ARHGAP28: variants seen among roughly 807,000 people sequenced by gnomAD.
ARHGAP28 encodes the protein rho GTPase-activating protein 28.
In ARHGAP28, 56 loss-of-function variants were observed where a neutral mutation model predicts 90.7. The ratio of observed to expected loss-of-function variants is 0.62; its 90% confidence interval spans 0.50 to 0.77. ARHGAP28 has a LOEUF of 0.77. Ranked by LOEUF, ARHGAP28 falls within the 30% of genes least tolerant of loss-of-function variation. The pLI is 0.00. For synonymous variants in ARHGAP28, 308 were observed against 323.3 expected (o/e 0.95, Z 0.51); for missense variants, 869 against 900.9 (o/e 0.96, Z 0.45).
Position 6,882,196 on chromosome 18 carries a change from G to T in ARHGAP28, c.1350G>T (p.Met450Ile). 1 of 1,614,062 alleles carries T rather than the reference G, an allele frequency of 6.2e-7. No homozygotes were observed. Reference protein sequence around the residue: ...FNADKFKWDKMCHREAAVMLK... With the variant: ...FNADKFKWDKICHREAAVMLK... Reference sequence around the variant, plus strand: ...CTGATAAATTTAAATGGGACAAAATGTGCCATAGAGAAGCTGCAGTAATGT... The same window carrying T: ...CTGATAAATTTAAATGGGACAAAATTTGCCATAGAGAAGCTGCAGTAATGT... The change falls in exon 11 of 18, where the codon ATG (methionine) becomes ATT (isoleucine). Residue 450 changes from methionine (M) to isoleucine (I), a missense_variant. Transcript: ENST00000383472.
At chr18:6,823,633 A>G (rs2056641073) in intron 1 of ARHGAP28, among the ~76,000 whole-genome samples, 1 of 145,116 alleles carries the variant, frequency 6.9e-6, no homozygotes, top group African/African-American at 2.6e-5. Context: ...CTTTAAGAAC[A>G]TTTTATTTAG....
intron 16 of ARHGAP28, among the ~76,000 whole-genome samples, chr18:6,906,188 G>A (rs1370096841): frequency 6.6e-6 from 1 of 152,098 alleles, no homozygotes; most frequent in Admixed American, 6.5e-5. Flanking sequence ...TTGGTGGAAG[G>A]ATAGATACTT....
chr18:6,893,399 C>T lies in ARHGAP28; in HGVS notation c.1849-1436C>T, dbSNP rs191769761. ...CACACAGCTCTTCCTCTTACTTAAG[C>T]ACTCCCCTAGTTGAAGCCTTTGGAT... On this transcript the variant is annotated intron_variant, in intron 14 of 17. Coordinates refer to ENST00000383472, the MANE Select transcript of ARHGAP28 (RefSeq NM_001366230.1). Among the ~76,000 whole-genome samples the T allele has an allele frequency of 4.4e-4, 67 of 152,318 alleles. 1 individual carries two copies. The highest frequency in any genetic ancestry group is 2.4e-3 in the Admixed American group (37 of 15,298).
rs1256801958 is a variant in ARHGAP28 at position 6,890,068 on chromosome 18, C to T, written c.1717C>T (p.Gln573Ter). The change falls in exon 13 of 18, where the codon CAG becomes TAG. Residue 573 changes from glutamine (Q) to a stop codon, truncating the protein, a stop_gained. Coordinates refer to ENST00000383472, the MANE Select transcript of ARHGAP28 (RefSeq NM_001366230.1). LOFTEE classifies it high-confidence loss of function. ...AHIIRLMLKY[Q>*]KILWKVPSFL... ...CATCATCCGCCTAATGCTTAAGTAC[C>T]AGAAGATTTTGTGGAAGGTGAGTGA... 1.2e-6 allele frequency: 2 copies of T among 1,613,988 alleles called. No individual in the cohort carries two copies. Among genetic ancestry groups the T allele is most frequent in the African/African-American group, 2.7e-5 (2 of 74,898 alleles).
chr18:6,869,697 C>T (rs571210845), intron 6 of ARHGAP28, among the ~76,000 whole-genome samples: 4 of 152,308 alleles, frequency 2.6e-5, no homozygotes, highest in African/African-American at 9.6e-5. Flanking sequence ...ACTAAGTTTT[C>T]TTTAATTCTG....
In ARHGAP28 at chr18:6,752,207, A is replaced by T. The variant is rs144895365; in HGVS notation, c.122+22264A>T. 5.5e-4 allele frequency among the ~76,000 whole-genome samples: 84 copies of T among 152,312 alleles called. 1 individual carries two copies. The highest frequency in any genetic ancestry group is 1.9e-3 in the African/African-American group (79 of 41,574). On this transcript the variant is annotated intron_variant, in intron 1 of 17. Transcript: ENST00000383472. ...CCCTTGGTAGACTAATAAGGTTTCT[A>T]CTGAGCCGTGTTTTTTATTAATCCT...
intron 10 of ARHGAP28, among the ~76,000 whole-genome samples, chr18:6,878,948 C>A (rs2057155438): frequency 1.3e-5 from 2 of 152,160 alleles, no homozygotes; most frequent in Non-Finnish European, 2.9e-5. Flanking sequence ...TTATAATTAT[C>A]CTCGGATTGA....
At chr18:6,772,883 G>T (rs2143419787) in intron 1 of ARHGAP28, among the ~76,000 whole-genome samples, 1 of 152,060 alleles carries the variant, frequency 6.6e-6, no homozygotes, top group African/African-American at 2.4e-5. Flanking sequence ...TGGGATTATA[G>T]GCATGCATCA....
At chr18:6,904,622 C>T (rs538938716) in intron 16 of ARHGAP28, among the ~76,000 whole-genome samples, 2 of 151,738 alleles carry the variant, frequency 1.3e-5, no homozygotes, top group East Asian at 1.9e-4. Context: ...AACAGGAAAA[C>T]GAGAAAGATC....
At chr18:6,835,315 C>T (rs1448473924) in intron 2 of ARHGAP28, among the ~76,000 whole-genome samples, 1 of 152,054 alleles carries the variant, frequency 6.6e-6, no homozygotes, top group Non-Finnish European at 1.5e-5. Flanking sequence ...AAATTAAAAG[C>T]TTATCTATAG....
chr18:6,729,731 C>T lies in ARHGAP28; in HGVS notation c.-91C>T. 1 of 1,259,190 alleles carries T rather than the reference C, an allele frequency of 7.9e-7. No homozygotes were observed. The allele number at this position is 1,259,190 out of a possible 1,614,324, so 78.0% of individuals were successfully genotyped here. On this transcript the variant is annotated 5_prime_UTR_variant, in exon 1 of 18. Transcript: ENST00000383472. ...GCGGCTGGTCGCACCTCGGGCCGCG[C>T]CGCCCAGCTGCTGACAGCCTCCCGG...
At chr18:6,778,540 G>T (rs1266568207) in intron 1 of ARHGAP28, among the ~76,000 whole-genome samples, 1 of 152,184 alleles carries the variant, frequency 6.6e-6, no homozygotes. Flanking sequence ...GCCTGAGTTG[G>T]AATCCTAGCT....
At chr18:6,868,268 T>C in intron 6 of ARHGAP28, 34 bp downstream of exon 6, 2 of 1,582,296 alleles carry the variant, frequency 1.3e-6, no homozygotes, top group Non-Finnish European at 8.7e-7. Flanking sequence ...ACTTCAGCTG[T>C]GTCTTCTCGC....
chr18:6,747,923 T>A (rs1396632638), intron 1 of ARHGAP28, among the ~76,000 whole-genome samples: 2 of 152,166 alleles, frequency 1.3e-5, no homozygotes, highest in Non-Finnish European at 2.9e-5. Context: ...CAAAGGCACA[T>A]GGGGTAAGCA....
chr18:6,889,883 C>T lies in ARHGAP28; in HGVS notation c.1537-5C>T. 1 of 1,613,610 alleles carries T rather than the reference C, an allele frequency of 6.2e-7. No individual in the cohort carries two copies. The highest frequency in any genetic ancestry group is 2.2e-5 in the East Asian group (1 of 44,876). On this transcript the variant is annotated splice_polypyrimidine_tract_variant and splice_region_variant and intron_variant, in intron 12 of 17. Coordinates refer to ENST00000383472, the MANE Select transcript of ARHGAP28 (RefSeq NM_001366230.1). ...ATTGTATGACACAATGCTGTTTCTT[C>T]TTAGGCCCTCATGACATTCTTCAAT...
intron 1 of ARHGAP28, among the ~76,000 whole-genome samples, chr18:6,735,922 G>A (rs942363244): frequency 6.6e-6 from 1 of 152,100 alleles, no homozygotes; most frequent in Non-Finnish European, 1.5e-5. Context: ...ATCATACAGC[G>A]GGTATGCGAC....
chr18:6,850,261 C>T (rs193113565), intron 3 of ARHGAP28, among the ~76,000 whole-genome samples: 2 of 152,256 alleles, frequency 1.3e-5, no homozygotes, highest in East Asian at 3.9e-4. Context: ...CTTCTCTTTC[C>T]TCAATTATCT....
chr18:6,911,424 G>A (rs2057398517), intron 17 of ARHGAP28, among the ~76,000 whole-genome samples: 1 of 135,086 alleles, frequency 7.4e-6, no homozygotes, highest in African/African-American at 2.8e-5. Context: ...ACAAGTTCTT[G>A]CCATATTTTT....
chr18:6,902,528 C>G (rs543654167), intron 16 of ARHGAP28, among the ~76,000 whole-genome samples: 1 of 152,148 alleles, frequency 6.6e-6, no homozygotes, highest in Non-Finnish European at 1.5e-5. Flanking sequence ...GATTATCTTT[C>G]TATTTTAAAA....
Sources: allele counts gnomAD v4.1 joint callset (sites outside exome capture counted in the v4.1 genomes callset), GRCh38; gene constraint gnomAD v4.1.1; transcripts MANE v1.5; gene names NCBI Gene and HGNC (gene_info 2026-07-23, HGNC 2026-07-21).